The following TET3 variants were observed in gnomAD, a reference collection of about 807,000 sequenced individuals.
TET3 encodes the protein tet methylcytosine dioxygenase 3.
In TET3, 19 loss-of-function variants were observed where a neutral mutation model predicts 141.4. The ratio of observed to expected loss-of-function variants is 0.13; its 90% CI spans 0.09 to 0.20. The LOEUF is 0.20. TET3 is among the 10% of genes least tolerant of loss of function. TET3 has a pLI of 1.00. For synonymous variants in TET3, 1,043 were observed against 980.9 expected, an observed-to-expected ratio of 1.06 and a Z score of -1.18; for missense variants, 1,874 against 2,356.9, an observed-to-expected ratio of 0.80 and a Z score of 4.24.
intron 4 of TET3, among the ~76,000 whole-genome samples, chr2:74,058,197 G>C (rs1344896711): frequency 6.6e-6 from 1 of 152,188 alleles, no homozygotes; most frequent in South Asian, 2.1e-4. Context: ...TGAGGAAGAG[G>C]CATGGTCTTG....
intron 4 of TET3, among the ~76,000 whole-genome samples, chr2:74,058,964 G>A (rs1053557986): frequency 3.3e-5 from 5 of 152,322 alleles, no homozygotes; most frequent in African/African-American, 7.2e-5. Flanking sequence ...TTGTTGATCC[G>A]TTGTCTATAG....
intron 2 of TET3, among the ~76,000 whole-genome samples, chr2:73,988,201 G>A (rs1206918399): frequency 6.6e-6 from 1 of 152,170 alleles, no homozygotes; most frequent in African/African-American, 2.4e-5. Context: ...CTGAAAGCAG[G>A]GTGTTATGAA....
At position 74,080,520 on chromosome 2, in the gene TET3, A is replaced by G. The variant is rs768030367; in HGVS notation, c.2608A>G (p.Ile870Val). 1 of 1,612,658 alleles carries G rather than the reference A, an allele frequency of 6.2e-7. No homozygotes were observed. The highest frequency in any genetic ancestry group is 1.1e-5 in the South Asian group (1 of 90,952). Reference protein sequence around the residue: ...EERYGEKGKAIRIEKVIYTGK... With the variant: ...EERYGEKGKAVRIEKVIYTGK... ...CAGGTATGGAGAGAAGGGGAAAGCC[A>G]TCCGGATCGAGAAGGTCATCTACAC... The change falls in exon 6 of 12, where the codon ATC becomes GTC. Residue 870 changes from isoleucine to valine, a missense_variant. Transcript: ENST00000409262.
Position 74,061,760 on chromosome 2 carries a change from C to T in TET3, c.2495-11789C>T, listed in dbSNP as rs539760152. ...CTCAGACGGGGCGGCCGGGCAGAGA[C>T]GCTCCTCACCTCCCAGACGGGGTCG... On this transcript the variant is annotated intron_variant, in intron 4 of 11. Transcript: ENST00000409262. 9.5e-3 allele frequency among the ~76,000 whole-genome samples: 1,316 copies of T among 138,506 alleles called. 30 individuals are homozygous for T. The highest frequency in any genetic ancestry group is 0.034 in the African/African-American group (1,206 of 35,124). 90.9% of individuals were successfully genotyped at this position (138,506 alleles called of 152,430 possible).
Position 74,046,885 on chromosome 2 carries a change from T to G in TET3, c.968T>G (p.Leu323Arg), listed in dbSNP as rs1037670295. ...CTCCCAGCACCAAGCACCAGGCCAC[T>G]CCTCAGCTCAGAGGTGCCCCAGATC... ...AGLPAPSTRP[L>R]LSSEVPQISP... The change falls in exon 4 of 12, where the codon CTC becomes CGC. Residue 323 changes from leucine (L) to arginine (R), a missense_variant. Physicochemically the swap from Leu to Arg is moderately radical, Grantham distance 102. Coordinates refer to ENST00000409262, the MANE Select transcript of TET3 (RefSeq NM_001287491.2). The surrounding 1 kb of genome is among the most constrained non-coding windows in gnomAD (Gnocchi z 4.3). 6.2e-7 allele frequency: 1 copy of G among 1,613,532 alleles called. No individual in the cohort carries two copies. Among genetic ancestry groups the G allele is most frequent in the South Asian group, 1.1e-5 (1 of 91,082 alleles).
chr2:74,041,128 T>A (rs1159380244), intron 3 of TET3, among the ~76,000 whole-genome samples: 6 of 152,172 alleles, frequency 3.9e-5, no homozygotes, highest in Admixed American at 3.9e-4. Flanking sequence ...TTCCTCTGGT[T>A]GTTAGGGGGA....
intron 3 of TET3, among the ~76,000 whole-genome samples, chr2:74,024,336 A>G (rs1357061571): frequency 1.3e-5 from 2 of 152,240 alleles, no homozygotes; most frequent in Admixed American, 6.5e-5. Flanking sequence ...GCCCTCTGGC[A>G]TGCACATGAC....
At chr2:74,085,297 G>A (rs535180454) in intron 6 of TET3, among the ~76,000 whole-genome samples, 1 of 152,150 alleles carries the variant, frequency 6.6e-6, no homozygotes, top group African/African-American at 2.4e-5. Flanking sequence ...TGGCAATAAG[G>A]CCTGGCCTCC....
rs1281090892 is a variant in TET3, at chr2:74,105,564, G to T, written c.*3388G>T. 4.5e-5 allele frequency: 18 copies of T among 397,096 alleles called. No homozygotes were observed. The East Asian group carries it at 6.1e-4, about 13-fold the overall frequency. The allele number at this position is 397,096 out of a possible 1,614,324, so 24.6% of individuals were successfully genotyped here. A position where few individuals can be genotyped will look rare whatever the true frequency, so the allele number is the denominator to read the frequency against. On this transcript the variant is annotated 3_prime_UTR_variant, in exon 12 of 12. Coordinates refer to ENST00000409262, the MANE Select transcript of TET3 (RefSeq NM_001287491.2). ...TGTTTCCCACACCCCGGCTTCATGG[G>T]TACTGCTTTGCCTTCTCACCAAGGT...
At position 73,986,713 on chromosome 2, in the gene TET3, C is replaced by T. The variant is rs541776751; in HGVS notation, c.303+7C>T. Reference sequence around the variant, plus strand: ...AGTAGGGCTTCTCAAGGAGGTAAGCCGGCCCTTGCTGGGCTACCCTGTTCC... The same window carrying T: ...AGTAGGGCTTCTCAAGGAGGTAAGCTGGCCCTTGCTGGGCTACCCTGTTCC... On this transcript the variant is annotated splice_region_variant and intron_variant, in intron 2 of 11. Transcript: ENST00000409262. The T allele has an allele frequency of 8.1e-7, 1 of 1,231,862 alleles. No homozygotes were observed. Among genetic ancestry groups the T allele is most frequent in the Non-Finnish European group, 1.0e-6 (1 of 987,970 alleles). 76.3% of individuals were successfully genotyped at this position (1,231,862 alleles called of 1,614,324 possible). A position where few individuals can be genotyped will look rare whatever the true frequency, so the allele number is the denominator to read the frequency against.
chr2:73,989,886 C>T (rs1684239344), intron 2 of TET3, among the ~76,000 whole-genome samples: 1 of 152,108 alleles, frequency 6.6e-6, no homozygotes, highest in African/African-American at 2.4e-5. Context: ...CTTGGGCAAC[C>T]AGTGCTCCAT....
chr2:73,997,170 C>T (rs1379238206), intron 2 of TET3, among the ~76,000 whole-genome samples: 1 of 152,252 alleles, frequency 6.6e-6, no homozygotes, highest in Non-Finnish European at 1.5e-5. Flanking sequence ...GTGGGTCCCC[C>T]ATGCCTCCTG....
At chr2:74,007,965 C>G (rs1482701892) in intron 3 of TET3, among the ~76,000 whole-genome samples, 1 of 152,172 alleles carries the variant, frequency 6.6e-6, no homozygotes, top group African/African-American at 2.4e-5. Flanking sequence ...AGTGATCATG[C>G]CCTTGGATGT....
At chr2:73,994,941 G>C (rs1573637741) in intron 2 of TET3, among the ~76,000 whole-genome samples, 1 of 151,142 alleles carries the variant, frequency 6.6e-6, no homozygotes, top group East Asian at 2.0e-4. Flanking sequence ...TGGCCTATCA[G>C]GTCTATTTTC....
intron 4 of TET3, among the ~76,000 whole-genome samples, chr2:74,051,855 A>G (rs1394259210): frequency 3.9e-5 from 6 of 152,266 alleles, no homozygotes. Context: ...TGTGATTGAA[A>G]TTGGTCAGTT....
At chr2:74,056,647 C>T (rs1188226582) in intron 4 of TET3, among the ~76,000 whole-genome samples, 1 of 152,082 alleles carries the variant, frequency 6.6e-6, no homozygotes, top group Non-Finnish European at 1.5e-5. Context: ...GCCACTTTAT[C>T]TTTATGGAGA....
intron 2 of TET3, among the ~76,000 whole-genome samples, chr2:73,994,836 C>T (rs542084170): frequency 6.6e-6 from 1 of 152,094 alleles, no homozygotes; most frequent in East Asian, 1.9e-4. Context: ...AGGGTTTCAC[C>T]ATGTTGGCCA....
Position 74,105,526 on chromosome 2 carries a change from T to A in TET3, c.*3350T>A, listed in dbSNP as rs1184728158. On this transcript the variant is annotated 3_prime_UTR_variant, in exon 12 of 12. Transcript: ENST00000409262. ...CGGTTTTTGGTTTTGGGTCTGGCTT[T>A]TAGCAGGGCCAATGTTTCCCACACC... 2.5e-6 allele frequency: 1 copy of A among 398,290 alleles called. No individual in the cohort carries two copies. The highest frequency in any genetic ancestry group is 2.1e-5 in the African/African-American group (1 of 48,606). 24.7% of individuals were successfully genotyped at this position (398,290 alleles called of 1,614,324 possible).
rs572306379 is a variant in TET3, at chr2:73,986,208, G to A, written c.-196G>A. The stretch of plus-strand genomic sequence containing the variant: ...AGGTGGGAGAGTGGCCCCCTACGGA[G>A]TCCGATCAGACTGCTGCAGAGGAGG... On this transcript the variant is annotated 5_prime_UTR_variant, in exon 2 of 12. Coordinates refer to ENST00000409262, the MANE Select transcript of TET3 (RefSeq NM_001287491.2). 78 of 422,290 alleles carry A rather than the reference G, an allele frequency of 1.8e-4. No individual in the cohort carries two copies. The highest frequency in any genetic ancestry group is 1.5e-3 in the African/African-American group (74 of 49,132). The allele number at this position is 422,290 out of a possible 1,614,324, so 26.2% of individuals were successfully genotyped here. A position where few individuals can be genotyped will look rare whatever the true frequency, so the allele number is the denominator to read the frequency against.
Sources: gnomAD v4.1 joint callset for allele counts (sites outside exome capture counted in the v4.1 genomes callset) on GRCh38, gnomAD v4.1.1 for gene constraint, Gnocchi (gnomAD v3.1) non-coding constraint, MANE v1.5 for transcripts, NCBI Gene and HGNC (gene_info 2026-07-23, HGNC 2026-07-21) for gene names.